TASP1: variants seen among roughly 807,000 people sequenced by gnomAD.
TASP1 encodes threonine aspartase 1.
In TASP1, 16 loss-of-function variants were observed where a neutral mutation model predicts 56.6. The observed-to-expected ratio is 0.28, with a 90% CI of 0.19 to 0.43. The LOEUF (loss-of-function observed/expected upper bound fraction) is 0.43. TASP1 is among the 20% of genes least tolerant of loss of function. The pLI is 1.00. For missense variants in TASP1, 393 were observed against 511.6 expected, an observed-to-expected ratio of 0.77 and a Z score of 2.24; for synonymous variants, 179 against 184.2, an observed-to-expected ratio of 0.97 and a Z score of 0.23.
At chr20:13,198,847 TTTCTTTCTTTCCTTCC>T in the TASP1 span, among the ~76,000 whole-genome samples, 2 of 88,222 alleles carry the variant, frequency 2.3e-5, no homozygotes, top group Non-Finnish European at 2.7e-5. Flanking sequence ...TCTTTCTTTC[TTTCTTTCTTTCCTTCC>T]TTCCTTCCTT....
the TASP1 span, among the ~76,000 whole-genome samples, chr20:13,295,734 A>C: frequency 6.6e-6 from 1 of 152,112 alleles, no homozygotes; most frequent in African/African-American, 2.4e-5. Flanking sequence ...AGGCTCAGCC[A>C]TGCTGACTGG....
At chr20:13,359,365 G>A in the TASP1 span, among the ~76,000 whole-genome samples, 7 of 151,560 alleles carry the variant, frequency 4.6e-5, no homozygotes, top group African/African-American at 1.5e-4. Flanking sequence ...GCCACTCCCA[G>A]AGCCCCTGGA....
At chr20:13,194,543 ATGTGTGTGTG>A in the TASP1 span, among the ~76,000 whole-genome samples, 9,590 of 142,232 alleles carry the variant, frequency 0.067, 522 homozygotes, top group African/African-American at 0.15. Context: ...TCACCAAGAA[ATGTGTGTGTG>A]TGTGTGTGTG....
At chr20:13,270,156 T>C in the TASP1 span, among the ~76,000 whole-genome samples, 1 of 152,238 alleles carries the variant, frequency 6.6e-6, no homozygotes, top group Non-Finnish European at 1.5e-5. Context: ...GGTTAATCAG[T>C]TGAAGCTGTG....
chr20:13,219,665 G>T, the TASP1 span, among the ~76,000 whole-genome samples: 1 of 152,014 alleles, frequency 6.6e-6, no homozygotes, highest in Admixed American at 6.5e-5. Context: ...TTATTAATAA[G>T]ATGCTGGAGT....
At chr20:13,223,921 C>G in the TASP1 span, among the ~76,000 whole-genome samples, 1 of 152,038 alleles carries the variant, frequency 6.6e-6, no homozygotes, top group Non-Finnish European at 1.5e-5. Flanking sequence ...TGTTTGCTAT[C>G]ATTAGAATAA....
At chr20:13,310,239 T>C in the TASP1 span, among the ~76,000 whole-genome samples, 2 of 152,138 alleles carry the variant, frequency 1.3e-5, no homozygotes, top group African/African-American at 4.8e-5. Flanking sequence ...TATAAATCAA[T>C]GGAGCAGAAT....
the TASP1 span, among the ~76,000 whole-genome samples, chr20:13,278,362 C>T: frequency 6.6e-6 from 1 of 152,094 alleles, no homozygotes; most frequent in East Asian, 1.9e-4. Context: ...CTAGGATGAG[C>T]CATGGGGTGA....
chr20:13,454,009 G>C (rs2043730350), intron 11 of TASP1, among the ~76,000 whole-genome samples: 1 of 148,452 alleles, frequency 6.7e-6, no homozygotes, highest in Non-Finnish European at 1.5e-5. Flanking sequence ...TCCAGATGAA[G>C]AAAATAAAAC....
chr20:13,276,036 GA>G, the TASP1 span, among the ~76,000 whole-genome samples: 1 of 152,234 alleles, frequency 6.6e-6, no homozygotes, highest in African/African-American at 2.4e-5. Flanking sequence ...GGTGTGAGAA[GA>G]GGGAATTAGA....
chr20:13,143,868 C>T, the TASP1 span, among the ~76,000 whole-genome samples: 2 of 152,166 alleles, frequency 1.3e-5, no homozygotes, highest in East Asian at 1.9e-4. Context: ...GAACAGTTGT[C>T]GACACAGCTC....
At chr20:13,386,607 G>A (rs1004717179), downstream of TASP1, among the ~76,000 whole-genome samples, 1 of 151,966 alleles carries the variant, frequency 6.6e-6, no homozygotes, top group African/African-American at 2.4e-5. Context: ...TCCATCCAGT[G>A]TCAAAACAGA....
At chr20:13,392,366 TAGA>T (rs1266520186) in intron 13 of TASP1, among the ~76,000 whole-genome samples, 1 of 152,186 alleles carries the variant, frequency 6.6e-6, no homozygotes, top group Non-Finnish European at 1.5e-5. Flanking sequence ...CAACTCAACT[TAGA>T]AGTTCTTCTT....
the TASP1 span, among the ~76,000 whole-genome samples, chr20:13,373,082 C>T: frequency 6.6e-6 from 1 of 151,652 alleles, no homozygotes. Flanking sequence ...GTTCTATGTG[C>T]TTTCTTATTT....
At chr20:13,610,972 T>C (rs190991214) in intron 4 of TASP1, among the ~76,000 whole-genome samples, 6 of 152,236 alleles carry the variant, frequency 3.9e-5, no homozygotes, top group Admixed American at 2.6e-4. Flanking sequence ...AAATGATCCA[T>C]GAGAGGCTAC....
chr20:13,140,033 T>C, the TASP1 span, among the ~76,000 whole-genome samples: 1 of 152,156 alleles, frequency 6.6e-6, no homozygotes, highest in African/African-American at 2.4e-5. Flanking sequence ...CCCAAAGCTG[T>C]GTACTTTCTG....
At chr20:13,382,691 C>T in the TASP1 span, among the ~76,000 whole-genome samples, 1 of 152,118 alleles carries the variant, frequency 6.6e-6, no homozygotes, top group East Asian at 1.9e-4. Flanking sequence ...TTTAGATTTA[C>T]AGTTTATCTG....
At chr20:13,596,490 A>G (rs2147321305) in intron 4 of TASP1, among the ~76,000 whole-genome samples, 1 of 152,366 alleles carries the variant, frequency 6.6e-6, no homozygotes, top group African/African-American at 2.4e-5. Context: ...CAATGAGAAC[A>G]AAGACACAAC....
the TASP1 span, among the ~76,000 whole-genome samples, chr20:13,285,889 T>A: frequency 6.6e-6 from 1 of 152,160 alleles, no homozygotes; most frequent in Non-Finnish European, 1.5e-5. Context: ...CTCTCCAAAT[T>A]TGCTCTCTAC....
Sources: allele counts gnomAD v4.1 joint callset (sites outside exome capture counted in the v4.1 genomes callset), GRCh38; gene constraint gnomAD v4.1.1; transcripts MANE v1.5; gene names NCBI Gene and HGNC (gene_info 2026-07-23, HGNC 2026-07-21).